The following SORL1 variants were observed in gnomAD, a reference collection of about 807,000 sequenced individuals.
SORL1 encodes the protein sortilin related receptor 1, also known as sortilin-related receptor.
In SORL1, 127 loss-of-function variants were observed where a neutral mutation model predicts 273.7. The ratio of observed to expected loss-of-function variants is 0.46; its 90% confidence interval spans 0.40 to 0.54. The LOEUF is 0.54. Ranked by LOEUF, SORL1 falls within the 20% of genes least tolerant of loss-of-function variation. The pLI, the probability that SORL1 is intolerant of heterozygous loss-of-function variation, is 0.00. For synonymous variants in SORL1, 1,031 were observed against 1,067.4 expected, an observed-to-expected ratio of 0.97 and a Z score of 0.66; for missense variants, 2,494 against 2,846.1, an observed-to-expected ratio of 0.88 and a Z score of 2.81.
chr11:121,511,929 A>G (rs1861883796), intron 6 of SORL1, among the ~76,000 whole-genome samples: 1 of 152,224 alleles, frequency 6.6e-6, no homozygotes, highest in Admixed American at 6.5e-5. Flanking sequence ...TCTGGCTGGG[A>G]ATCCCAACAT....
chr11:121,620,552 C>T (rs1863708335), intron 43 of SORL1, among the ~76,000 whole-genome samples: 2 of 152,200 alleles, frequency 1.3e-5, no homozygotes, highest in African/African-American at 4.8e-5. Context: ...CTCCTCTCAA[C>T]TCTCCACTTC....
chr11:121,604,151 C>A, intron 32 of SORL1, 42 bp from the exon 33 acceptor site: 1 of 1,608,410 alleles, frequency 6.2e-7, no homozygotes, highest in Non-Finnish European at 8.5e-7. Context: ...TAGTACCATA[C>A]GGCCCCTCCC....
At chr11:121,559,439 C>CT (rs1273483493) in intron 20 of SORL1, 80 bp from the exon 21 acceptor site, 1 of 1,427,932 alleles carries the variant, frequency 7.0e-7, no homozygotes, top group African/African-American at 1.4e-5. Flanking sequence ...TGTCTCCTGC[C>CT]TGGGGGAACT....
chr11:121,477,779 C>T (rs559257149), intron 2 of SORL1, among the ~76,000 whole-genome samples: 1 of 152,178 alleles, frequency 6.6e-6, no homozygotes, highest in Admixed American at 6.5e-5. Context: ...CCTGTAATCC[C>T]AGCACTTTGG....
intron 22 of SORL1, among the ~76,000 whole-genome samples, chr11:121,568,106 T>C (rs1042596650): frequency 2.0e-5 from 3 of 151,974 alleles, no homozygotes; most frequent in Admixed American, 2.0e-4. Context: ...AGTCTGGTCT[T>C]GAACATCTGG....
chr11:121,478,999 C>T (rs1207382048), intron 3 of SORL1, among the ~76,000 whole-genome samples: 2 of 129,868 alleles, frequency 1.5e-5, no homozygotes, highest in Non-Finnish European at 3.4e-5. Flanking sequence ...CACGTGCGTG[C>T]GCATGCTTGT....
At chr11:121,542,027 T>C (rs1174685283) in intron 12 of SORL1, among the ~76,000 whole-genome samples, 2 of 152,206 alleles carry the variant, frequency 1.3e-5, no homozygotes, top group African/African-American at 4.8e-5. Context: ...AGTCACAAAT[T>C]GTTAGCATTT....
At chr11:121,505,140 A>G (rs555100436) in intron 6 of SORL1, among the ~76,000 whole-genome samples, 18 of 152,226 alleles carry the variant, frequency 1.2e-4, no homozygotes, top group South Asian at 4.1e-4. Flanking sequence ...TACTAATTCA[A>G]TCTTTTCAGT....
At chr11:121,485,860 C>A (rs934643525) in intron 3 of SORL1, among the ~76,000 whole-genome samples, 1 of 152,054 alleles carries the variant, frequency 6.6e-6, no homozygotes, top group African/African-American at 2.4e-5. Flanking sequence ...CTACCTTTTC[C>A]AGTTTGATTT....
At chr11:121,458,550 A>G (rs1178558668) in intron 1 of SORL1, among the ~76,000 whole-genome samples, 4 of 152,188 alleles carry the variant, frequency 2.6e-5, no homozygotes, top group African/African-American at 7.2e-5. Context: ...GTTGATGAGC[A>G]TGGGACTTTC....
At chr11:121,506,720 T>C (rs1431975794) in intron 6 of SORL1, among the ~76,000 whole-genome samples, 1 of 152,232 alleles carries the variant, frequency 6.6e-6, no homozygotes, top group Non-Finnish European at 1.5e-5. Flanking sequence ...AAATAGCATA[T>C]GGTTGTGTCA....
intron 25 of SORL1, among the ~76,000 whole-genome samples, chr11:121,581,103 G>A (rs1259408950): frequency 6.6e-6 from 1 of 151,598 alleles, no homozygotes; most frequent in African/African-American, 2.4e-5. Flanking sequence ...GTAGAGATGA[G>A]TTTTTACCAT....
At chr11:121,611,351 A>G in intron 39 of SORL1, 193 bp downstream of exon 39, 2 of 491,378 alleles carry the variant, frequency 4.1e-6, no homozygotes, top group East Asian at 3.2e-5. Flanking sequence ...GAGTCTTCAC[A>G]TGTAATTATT....
At position 121,553,596 on chromosome 11, in the gene SORL1, G is replaced by A. The variant is rs143110148; in HGVS notation, c.2267-341G>A. ...GAGGAGGGAGAACAGGGCGATTGGT[G>A]TAATTAGGTTGGCAAGTGTGACTTG... On this transcript the variant is annotated intron_variant, in intron 16 of 47. Coordinates refer to ENST00000260197, the MANE Select transcript of SORL1 (RefSeq NM_003105.6). Among the ~76,000 whole-genome samples the A allele has an allele frequency of 4.4e-3, 663 of 152,358 alleles. 2 individuals carry two copies. The highest frequency in any genetic ancestry group is 0.015 in the African/African-American group (631 of 41,588).
chr11:121,499,794 T>C (rs1861685630), intron 6 of SORL1, among the ~76,000 whole-genome samples: 1 of 152,244 alleles, frequency 6.6e-6, no homozygotes, highest in Non-Finnish European at 1.5e-5. Flanking sequence ...AAATTCCAGC[T>C]GGCTTTAGTG....
At chr11:121,615,702 G>A (rs1863629754) in intron 41 of SORL1, among the ~76,000 whole-genome samples, 1 of 152,136 alleles carries the variant, frequency 6.6e-6, no homozygotes, top group South Asian at 2.1e-4. Flanking sequence ...TCTTCAGCGT[G>A]CATTTGTCAC....
chr11:121,518,646 GA>G (rs1283064475), intron 8 of SORL1, among the ~76,000 whole-genome samples: 1 of 152,166 alleles, frequency 6.6e-6, no homozygotes, highest in Non-Finnish European at 1.5e-5. Context: ...GGAAGCCCCT[GA>G]AAAATAACTG....
intron 6 of SORL1, among the ~76,000 whole-genome samples, chr11:121,500,918 A>C: frequency 6.6e-6 from 1 of 152,192 alleles, no homozygotes; most frequent in East Asian, 1.9e-4. Context: ...ACTATTGAAA[A>C]CCAATTTTCA....
At chr11:121,455,312 G>A (rs1860885241) in intron 1 of SORL1, among the ~76,000 whole-genome samples, 1 of 152,132 alleles carries the variant, frequency 6.6e-6, no homozygotes, top group Admixed American at 6.5e-5. Context: ...AAGGGGTGGT[G>A]GGCTCAGACA....
Sources: gnomAD v4.1 joint callset for allele counts (sites outside exome capture counted in the v4.1 genomes callset) on GRCh38, gnomAD v4.1.1 for gene constraint, MANE v1.5 for transcripts, NCBI Gene and HGNC (gene_info 2026-07-23, HGNC 2026-07-21) for gene names.